DMXL2: variants seen among roughly 807,000 people sequenced by gnomAD.
DMXL2 encodes dmX-like protein 2.
A neutral mutation model predicts 331.1 loss-of-function variants in DMXL2; 103 were observed. That is an observed-to-expected ratio of 0.31 (90% confidence interval 0.27 to 0.37). DMXL2 has a LOEUF of 0.37. Among genes scored for constraint, DMXL2 ranks in the 10% least tolerant of loss-of-function variants. The pLI is 1.00. For missense variants in DMXL2, 3,171 were observed against 3,642.9 expected (o/e 0.87, Z 3.33); for synonymous variants, 1,281 against 1,252.1 (o/e 1.02, Z -0.49).
intron 30 of DMXL2, 70 bp from the exon 31 acceptor site, chr15:51,465,721 C>T (rs2140275464): frequency 8.7e-7 from 1 of 1,145,058 alleles, no homozygotes; most frequent in South Asian, 1.4e-5. Context: ...AGTGGTGTTC[C>T]CTGCCAACTG....
intron 1 of DMXL2, among the ~76,000 whole-genome samples, chr15:51,591,895 C>G (rs1276322564): frequency 6.6e-6 from 1 of 152,132 alleles, no homozygotes; most frequent in East Asian, 1.9e-4. Flanking sequence ...GAAAGGACAT[C>G]CACACCAAAA....
At chr15:51,572,747 A>G (rs969057599) in intron 2 of DMXL2, among the ~76,000 whole-genome samples, 1 of 152,194 alleles carries the variant, frequency 6.6e-6, no homozygotes, top group African/African-American at 2.4e-5. Context: ...CCTTCATGCT[A>G]AAAACTCTCA....
At chr15:51,542,206 T>G in intron 9 of DMXL2, 127 bp downstream of exon 9, 2 of 885,484 alleles carry the variant, frequency 2.3e-6, no homozygotes, top group South Asian at 1.8e-5. Flanking sequence ...ATATTATATC[T>G]CTACTCCAAT....
chr15:51,481,683 AAAC>A, intron 23 of DMXL2, 60 bp from the exon 24 acceptor site: 1 of 1,430,634 alleles, frequency 7.0e-7, no homozygotes, highest in Non-Finnish European at 9.4e-7. Flanking sequence ...TTACATTACA[AAAC>A]AATAAAATAC....
In DMXL2 at chr15:51,480,144, G is replaced by T; in HGVS notation, c.6565-5C>A. The T allele has an allele frequency of 6.7e-7, 1 of 1,502,888 alleles. No individual in the cohort carries two copies. Among genetic ancestry groups the T allele is most frequent in the Non-Finnish European group, 8.9e-7 (1 of 1,118,242 alleles). The allele number at this position is 1,502,888 out of a possible 1,614,324, so 93.1% of individuals were successfully genotyped here. A position where few individuals can be genotyped will look rare whatever the true frequency, so the allele number is the denominator to read the frequency against. On this transcript the variant is annotated splice_polypyrimidine_tract_variant and splice_region_variant and intron_variant, in intron 24 of 43. Coordinates refer to ENST00000560891, the MANE Select transcript of DMXL2 (RefSeq NM_001378457.1). ...GAGCTGCTTTACTGTAGTTTCCTGT[G>T]GGTGATAGTGAATTATTTTTTTCAA...
At chr15:51,605,867 T>C (rs940024612) in intron 1 of DMXL2, among the ~76,000 whole-genome samples, 1 of 151,652 alleles carries the variant, frequency 6.6e-6, no homozygotes, top group Admixed American at 6.6e-5. Context: ...TTAATGAACA[T>C]AGATGTAAAA....
At chr15:51,596,796 T>C (rs989619696) in intron 1 of DMXL2, among the ~76,000 whole-genome samples, 2 of 152,158 alleles carry the variant, frequency 1.3e-5, no homozygotes, top group Non-Finnish European at 2.9e-5. Context: ...CTGGAAACCA[T>C]CATTCTCAGC....
intron 1 of DMXL2, among the ~76,000 whole-genome samples, chr15:51,621,059 A>C (rs1318461048): frequency 6.6e-6 from 1 of 151,832 alleles, no homozygotes; most frequent in Non-Finnish European, 1.5e-5. Flanking sequence ...TCCTATCTGC[A>C]CTACTGGGGA....
rs745588893 is a variant in DMXL2 at position 51,480,908 on chromosome 15, T to C, written c.6198A>G (p.Gly2066=). Residue 2066 remains glycine, a synonymous_variant, in exon 24 of 44, where the codon GGA becomes GGG. Coordinates refer to ENST00000560891, the MANE Select transcript of DMXL2 (RefSeq NM_001378457.1). Reference sequence around the variant, plus strand: ...TATAGAGTTGAAATCTGAGTTTTCCTCCATCTACTTCATAACCTGTAGCCA... The same window carrying C: ...TATAGAGTTGAAATCTGAGTTTTCCCCCATCTACTTCATAACCTGTAGCCA... The part of the protein sequence containing the change: ...RTLATGYEVD[G]GKLRFQLYNW... 21 of 1,612,246 alleles carry C rather than the reference T, an allele frequency of 1.3e-5. No individual in the cohort carries two copies. The highest frequency in any genetic ancestry group is 1.6e-4 in the Middle Eastern group (1 of 6,070).
chr15:51,538,134 GA>G, intron 10 of DMXL2, 78 bp downstream of exon 10: 1 of 1,486,388 alleles, frequency 6.7e-7, no homozygotes, highest in Middle Eastern at 1.8e-4. Flanking sequence ...GAGCGGGAAG[GA>G]AGAATTCAAA....
intron 15 of DMXL2, among the ~76,000 whole-genome samples, chr15:51,507,682 A>G (rs1391013442): frequency 6.6e-6 from 1 of 152,106 alleles, no homozygotes; most frequent in Non-Finnish European, 1.5e-5. Context: ...GAGCACACAA[A>G]AGCTCAAGCC....
chr15:51,450,641 A>G (rs1370483352), intron 42 of DMXL2: 1 of 373,714 alleles, frequency 2.7e-6, no homozygotes, highest in African/African-American at 2.1e-5. Context: ...ACAGAAGAGC[A>G]GAGACCAACC....
At position 51,538,304 on chromosome 15, in the gene DMXL2, CTGCT is replaced by C; in HGVS notation, c.1250_1253del (p.Lys417ArgfsTer2). The C allele has an allele frequency of 6.2e-7, 1 of 1,613,788 alleles. No individual in the cohort carries two copies. Among genetic ancestry groups the C allele is most frequent in the Non-Finnish European group, 8.5e-7 (1 of 1,179,824 alleles). ...CTGCATCATCATTTTCATGATCTACCTGCTTATCAGAAAGTTTTCGTAATTGATG... is the reference window on the plus strand; with the variant it reads ...CTGCATCATCATTTTCATGATCTACCTATCAGAAAGTTTTCGTAATTGATG... On this transcript the variant is annotated frameshift_variant, in exon 10 of 44. Transcript: ENST00000560891. LOFTEE classifies it high-confidence loss of function.
In DMXL2 at chr15:51,479,951, C is replaced by A; in HGVS notation, c.6753G>T (p.Val2251=). 6.6e-7 allele frequency: 1 copy of A among 1,505,114 alleles called. No individual in the cohort carries two copies. Among genetic ancestry groups the A allele is most frequent in the Non-Finnish European group, 9.0e-7 (1 of 1,113,456 alleles). 93.2% of individuals were successfully genotyped at this position (1,505,114 alleles called of 1,614,324 possible). A position where few individuals can be genotyped will look rare whatever the true frequency, so the allele number is the denominator to read the frequency against. Residue 2251 remains valine (V), a synonymous_variant, in exon 25 of 44, where the codon GTG becomes GTT. Transcript: ENST00000560891. Reference sequence around the variant, plus strand: ...ATGATCATAAACTTTACATTACCTTCACATCTTCAATACTGGGATGAGGTG... The same window carrying A: ...ATGATCATAAACTTTACATTACCTTAACATCTTCAATACTGGGATGAGGTG... ...KTPPHPSIED[V]KVHTLHSLAA...
At chr15:51,472,538 C>T (rs1227035739) in intron 28 of DMXL2, among the ~76,000 whole-genome samples, 1 of 152,134 alleles carries the variant, frequency 6.6e-6, no homozygotes, top group Non-Finnish European at 1.5e-5. Flanking sequence ...TTTCTCCCTC[C>T]CCCTAGCCCA....
chr15:51,495,026 T>G lies in DMXL2; in HGVS notation c.4781A>C (p.Gln1594Pro), dbSNP rs757298581. The change falls in exon 19 of 44, where the codon CAA (glutamine) becomes CCA (proline). Residue 1594 changes from glutamine (Q) to proline (P), a missense_variant and splice_region_variant. Gln to Pro is a moderately conservative substitution (Grantham distance 76). Transcript: ENST00000560891. ...GCTTCAAACAGTGAGTGAATTACCTTGATGAAGTAGCTGCACTCGGTATAA... is the reference window on the plus strand; with the variant it reads ...GCTTCAAACAGTGAGTGAATTACCTGGATGAAGTAGCTGCACTCGGTATAA... The part of the protein sequence containing the change: ...PPLYRVQLLH[Q>P]GVSTCHFAWA... 1 of 1,610,186 alleles carries G rather than the reference T, an allele frequency of 6.2e-7. No individual in the cohort carries two copies. Among genetic ancestry groups the G allele is most frequent in the African/African-American group, 1.3e-5 (1 of 74,926 alleles).
At chr15:51,597,066 TATAATA>T (rs1208981437) in intron 1 of DMXL2, among the ~76,000 whole-genome samples, 1 of 151,932 alleles carries the variant, frequency 6.6e-6, no homozygotes. Flanking sequence ...AAACTTAAAG[TATAATA>T]ATAATAATAA....
rs757685641 is a variant in DMXL2, at chr15:51,568,576, C to T, written c.214-18G>A. The T allele has an allele frequency of 2.6e-5, 39 of 1,504,340 alleles. No individual in the cohort carries two copies. Among genetic ancestry groups the T allele is most frequent in the Non-Finnish European group, 3.3e-5 (36 of 1,107,662 alleles). The allele number at this position is 1,504,340 out of a possible 1,614,324, so 93.2% of individuals were successfully genotyped here. A position where few individuals can be genotyped will look rare whatever the true frequency, so the allele number is the denominator to read the frequency against. On this transcript the variant is annotated intron_variant, in intron 2 of 43. Coordinates refer to ENST00000560891, the MANE Select transcript of DMXL2 (RefSeq NM_001378457.1). The stretch of plus-strand genomic sequence containing the variant: ...GCTGCAATCTAAAAAAGAATAAATA[C>T]AGCATTAATATCTAGAAAAGGGTAA...
At chr15:51,541,573 C>A (rs1596187130) in intron 9 of DMXL2, among the ~76,000 whole-genome samples, 1 of 152,010 alleles carries the variant, frequency 6.6e-6, no homozygotes, top group African/African-American at 2.4e-5. Flanking sequence ...TTTTAGAATT[C>A]TATTTACTAA....
Sources: gnomAD v4.1 joint callset for allele counts (sites outside exome capture counted in the v4.1 genomes callset) on GRCh38, gnomAD v4.1.1 for gene constraint, MANE v1.5 for transcripts, NCBI Gene and HGNC (gene_info 2026-07-23, HGNC 2026-07-21) for gene names.